MTUS2: variants seen among roughly 807,000 people sequenced by gnomAD.
MTUS2 encodes the protein microtubule associated scaffold protein 2.
Under a neutral mutation model 114.1 loss-of-function variants are expected in MTUS2, and 40 were observed. The observed-to-expected ratio is 0.35, with a 90% CI of 0.27 to 0.46. MTUS2 has a LOEUF of 0.46. MTUS2 is among the 20% of genes least tolerant of loss of function. MTUS2 has a pLI of 1.00. For missense variants in MTUS2, 1,679 were observed against 1,705.4 expected (o/e 0.98, Z 0.27); for synonymous variants, 688 against 672.0 (o/e 1.02, Z -0.37).
At chr13:29,209,093 A>C (rs1303935994) in intron 5 of MTUS2, among the ~76,000 whole-genome samples, 1 of 152,030 alleles carries the variant, frequency 6.6e-6, no homozygotes, top group Non-Finnish European at 1.5e-5. Context: ...TTGTTTTATA[A>C]ATGTGGGAGC....
chr13:28,967,422 T>G (rs1883647493), intron 2 of MTUS2, among the ~76,000 whole-genome samples: 1 of 152,180 alleles, frequency 6.6e-6, no homozygotes, highest in African/African-American at 2.4e-5. Context: ...CTACCCCACC[T>G]ATATCCCTGT....
intron 1 of MTUS2, among the ~76,000 whole-genome samples, chr13:28,831,709 T>TTCCC (rs1422369698): frequency 5.1e-4 from 78 of 152,024 alleles, no homozygotes; most frequent in Non-Finnish European, 9.1e-4. Flanking sequence ...TCAATACACA[T>TTCCC]TCCCTCCCTC....
At chr13:29,310,167 C>T (rs1418676918) in intron 6 of MTUS2, among the ~76,000 whole-genome samples, 1 of 152,090 alleles carries the variant, frequency 6.6e-6, no homozygotes, top group Non-Finnish European at 1.5e-5. Context: ...ATCCACAGTC[C>T]CATTTTATTC....
At chr13:29,468,509 G>T (rs1880046828) in intron 9 of MTUS2, among the ~76,000 whole-genome samples, 1 of 152,028 alleles carries the variant, frequency 6.6e-6, no homozygotes, top group Non-Finnish European at 1.5e-5. Context: ...AACCTGGGCT[G>T]CACAGAGGTT....
chr13:29,146,874 G>A (rs553538458), intron 5 of MTUS2, among the ~76,000 whole-genome samples: 4 of 152,248 alleles, frequency 2.6e-5, no homozygotes, highest in African/African-American at 7.2e-5. Flanking sequence ...GCCTAGGATG[G>A]CACAGGATTT....
intron 5 of MTUS2, among the ~76,000 whole-genome samples, chr13:29,171,584 G>T (rs1461230126): frequency 6.6e-6 from 1 of 152,172 alleles, no homozygotes; most frequent in Non-Finnish European, 1.5e-5. Context: ...GATAAGGCAT[G>T]TAAGTTACAT....
chr13:29,264,098 T>C (rs886880490), intron 5 of MTUS2, among the ~76,000 whole-genome samples: 2 of 152,228 alleles, frequency 1.3e-5, no homozygotes, highest in African/African-American at 4.8e-5. Context: ...TTATAGGCAC[T>C]GAGTAAGCAT....
chr13:29,144,931 A>G lies in MTUS2; in HGVS notation c.2644+43961A>G, dbSNP rs972723253. Reference sequence around the variant, plus strand: ...TGTCTGCCACAGTCATATACTATAGACTGCCTCATGAAGAACACATCTGAG... The same window carrying G: ...TGTCTGCCACAGTCATATACTATAGGCTGCCTCATGAAGAACACATCTGAG... On this transcript the variant is annotated intron_variant, in intron 5 of 15. Transcript: ENST00000612955. 2.0e-5 allele frequency among the ~76,000 whole-genome samples: 3 copies of G among 152,322 alleles called. No individual in the cohort carries two copies. The East Asian group carries it at 5.8e-4, about 29-fold the overall frequency.
intron 12 of MTUS2, among the ~76,000 whole-genome samples, chr13:29,495,954 A>G (rs896647029): frequency 6.6e-6 from 1 of 151,596 alleles, no homozygotes. Flanking sequence ...ATCTATATCT[A>G]TATCTATATA....
chr13:29,139,801 G>T (rs139937132), intron 5 of MTUS2, among the ~76,000 whole-genome samples: 1 of 152,036 alleles, frequency 6.6e-6, no homozygotes, highest in African/African-American at 2.4e-5. Flanking sequence ...CCTCATTCTC[G>T]TGCTCTTAGA....
intron 7 of MTUS2, among the ~76,000 whole-genome samples, chr13:29,343,666 T>C (rs1469113471): frequency 2.0e-5 from 3 of 150,334 alleles, no homozygotes; most frequent in Non-Finnish European, 4.4e-5. Context: ...TGCTCTGATC[T>C]TTGTTATTTC....
chr13:29,372,587 T>C (rs1871282656), intron 8 of MTUS2, among the ~76,000 whole-genome samples: 1 of 152,166 alleles, frequency 6.6e-6, no homozygotes, highest in African/African-American at 2.4e-5. Context: ...ATGAAAGATA[T>C]TCAGGTGTTA....
chr13:29,171,626 C>G (rs1893567119), intron 5 of MTUS2, among the ~76,000 whole-genome samples: 1 of 152,146 alleles, frequency 6.6e-6, no homozygotes, highest in African/African-American at 2.4e-5. Context: ...GCACGTGACA[C>G]AAAATTCAAA....
At chr13:29,376,725 ATGT>A (rs1006032569) in intron 8 of MTUS2, among the ~76,000 whole-genome samples, 8 of 152,154 alleles carry the variant, frequency 5.3e-5, no homozygotes, top group African/African-American at 1.9e-4. Flanking sequence ...GTTTTGTAAA[ATGT>A]TATATAGTAC....
chr13:29,163,250 A>G (rs1261051955), intron 5 of MTUS2, among the ~76,000 whole-genome samples: 1 of 152,200 alleles, frequency 6.6e-6, no homozygotes, highest in African/African-American at 2.4e-5. Flanking sequence ...TGTTTATTTT[A>G]TGACACTGTA....
chr13:28,896,445 A>G (rs980443396), intron 2 of MTUS2, among the ~76,000 whole-genome samples: 4 of 152,262 alleles, frequency 2.6e-5, no homozygotes, highest in Non-Finnish European at 5.9e-5. Context: ...ATGGGTAGGA[A>G]GAATCAATAT....
At chr13:29,071,488 A>G (rs974179676) in intron 4 of MTUS2, among the ~76,000 whole-genome samples, 5 of 111,456 alleles carry the variant, frequency 4.5e-5, no homozygotes, top group African/African-American at 1.8e-4. Context: ...TAAAATTGGC[A>G]TGATCTGGGC....
intron 9 of MTUS2, among the ~76,000 whole-genome samples, chr13:29,455,108 C>T (rs549568128): frequency 1.3e-5 from 2 of 152,334 alleles, no homozygotes; most frequent in Non-Finnish European, 2.9e-5. Context: ...TGCCATCTTG[C>T]TGGGCCGAAG....
intron 2 of MTUS2, among the ~76,000 whole-genome samples, chr13:28,965,263 G>A (rs1049682915): frequency 2.0e-5 from 3 of 152,144 alleles, no homozygotes; most frequent in Non-Finnish European, 4.4e-5. Context: ...TCAACACAAG[G>A]GGAAACTGCG....
Sources: gnomAD v4.1 joint callset for allele counts (sites outside exome capture counted in the v4.1 genomes callset) on GRCh38, gnomAD v4.1.1 for gene constraint, MANE v1.5 for transcripts, NCBI Gene and HGNC (gene_info 2026-07-23, HGNC 2026-07-21) for gene names.